The following STX8 variants were observed in gnomAD, a reference collection of about 807,000 sequenced individuals.
The protein encoded by STX8 is syntaxin 8.
A neutral mutation model predicts 37.5 loss-of-function variants in STX8; 23 were observed. That is an observed-to-expected ratio of 0.61 (90% CI 0.44 to 0.87). The LOEUF (loss-of-function observed/expected upper bound fraction) is 0.87. Among genes scored for constraint, STX8 ranks in the 40% least tolerant of loss-of-function variants. STX8 has a pLI of 0.00. For missense variants in STX8, 313 were observed against 284.7 expected, an observed-to-expected ratio of 1.10 and a Z score of -0.71; for synonymous variants, 115 against 99.1, an observed-to-expected ratio of 1.16 and a Z score of -0.95.
chr17:9,536,523 C>A (rs969100102), intron 4 of STX8, among the ~76,000 whole-genome samples: 2 of 152,138 alleles, frequency 1.3e-5, no homozygotes, highest in African/African-American at 4.8e-5. Context: ...CCAGGCACCC[C>A]CTTAACAATC....
chr17:9,371,536 C>A (rs981240805), intron 7 of STX8, among the ~76,000 whole-genome samples: 1 of 152,176 alleles, frequency 6.6e-6, no homozygotes, highest in African/African-American at 2.4e-5. Context: ...TTGCACCAAC[C>A]CTCTGCCCCT....
At chr17:9,500,041 C>T (rs549775197) in intron 5 of STX8, among the ~76,000 whole-genome samples, 1 of 152,254 alleles carries the variant, frequency 6.6e-6, no homozygotes, top group South Asian at 2.1e-4. Context: ...TCCTGAAGAG[C>T]GAATGGTTGT....
rs1298337068 is a variant in STX8, at chr17:9,375,084, A to AAAG, written c.643+3465_643+3467dup. Among the ~76,000 whole-genome samples the AAAG allele has an allele frequency of 1.0e-3, 151 of 149,392 alleles. 2 individuals are homozygous for AAAG. Among genetic ancestry groups the AAAG allele is most frequent in the African/African-American group, 3.5e-3 (139 of 39,506 alleles). The stretch of plus-strand genomic sequence containing the variant: ...GTCTCAAAAAAAAAAAAAAAAAAAA[A>AAAG]AAGAAGAATTTTCTTTTTTCAGTAT... On this transcript the variant is annotated intron_variant, in intron 7 of 7. Coordinates refer to ENST00000306357, the MANE Select transcript of STX8 (RefSeq NM_004853.3).
At chr17:9,299,271 C>T (rs2142174702) in intron 7 of STX8, among the ~76,000 whole-genome samples, 1 of 152,132 alleles carries the variant, frequency 6.6e-6, no homozygotes, top group Middle Eastern at 3.4e-3. Context: ...TCAGATGGTG[C>T]AAATGTGGTC....
chr17:9,378,553 A>G lies in STX8; in HGVS notation c.642T>C (p.Cys214=). ...AGCCATAACGTAGCTATCTCTTACCACAAGAGGCTGACTTTCTGTCCACCA... is the reference window on the plus strand; with the variant it reads ...AGCCATAACGTAGCTATCTCTTACCGCAAGAGGCTGACTTTCTGTCCACCA... The part of the protein sequence containing the change: ...VNMVDRKSAS[C]GMIMVILLLL... The change falls in exon 7 of 8, where the codon TGT becomes TGC. Residue 214 remains cysteine, a splice_region_variant and synonymous_variant. Coordinates refer to ENST00000306357, the MANE Select transcript of STX8 (RefSeq NM_004853.3). 1 of 1,613,182 alleles carries G rather than the reference A, an allele frequency of 6.2e-7. No individual in the cohort carries two copies. Among genetic ancestry groups the G allele is most frequent in the Non-Finnish European group, 8.5e-7 (1 of 1,179,246 alleles).
At chr17:9,328,924 C>T (rs1909867632) in intron 7 of STX8, among the ~76,000 whole-genome samples, 1 of 151,778 alleles carries the variant, frequency 6.6e-6, no homozygotes. Flanking sequence ...GTGACAGGCA[C>T]CTGTAGTCCC....
intron 7 of STX8, among the ~76,000 whole-genome samples, chr17:9,310,907 T>C (rs906329314): frequency 6.6e-6 from 1 of 151,834 alleles, no homozygotes; most frequent in Non-Finnish European, 1.5e-5. Context: ...CTTATGGGAG[T>C]AGACATTCCT....
intron 6 of STX8, among the ~76,000 whole-genome samples, chr17:9,453,782 C>T (rs181213940): frequency 6.6e-5 from 10 of 152,202 alleles, no homozygotes; most frequent in Admixed American, 5.2e-4. Flanking sequence ...TGTGAGCCAC[C>T]GTACCTGGCT....
At chr17:9,360,511 C>T (rs1911028323) in intron 7 of STX8, among the ~76,000 whole-genome samples, 1 of 152,034 alleles carries the variant, frequency 6.6e-6, no homozygotes, top group Admixed American at 6.6e-5. Flanking sequence ...GCTGGGATTA[C>T]AGTGTTGAGC....
chr17:9,568,254 TA>T, intron 2 of STX8, 116 bp downstream of exon 2: 1 of 703,848 alleles, frequency 1.4e-6, no homozygotes, highest in Non-Finnish European at 2.3e-6. Flanking sequence ...TCAACATATG[TA>T]AGCAGATAGA....
At chr17:9,447,884 T>C (rs1425463127) in intron 6 of STX8, among the ~76,000 whole-genome samples, 2 of 152,020 alleles carry the variant, frequency 1.3e-5, no homozygotes, top group Non-Finnish European at 2.9e-5. Context: ...TTCTAAAATA[T>C]AAGAATATGG....
intron 7 of STX8, among the ~76,000 whole-genome samples, chr17:9,282,436 A>C (rs1232865874): frequency 6.6e-6 from 1 of 152,212 alleles, no homozygotes; most frequent in Non-Finnish European, 1.5e-5. Flanking sequence ...ACCCGGCCTG[A>C]TGACATTTTC....
At chr17:9,381,754 A>G (rs1423940389) in intron 6 of STX8, among the ~76,000 whole-genome samples, 1 of 152,202 alleles carries the variant, frequency 6.6e-6, no homozygotes, top group Non-Finnish European at 1.5e-5. Context: ...GCGGATCACA[A>G]GGTCAGGAGT....
At chr17:9,558,048 T>C (rs1848870079) in intron 2 of STX8, among the ~76,000 whole-genome samples, 1 of 152,228 alleles carries the variant, frequency 6.6e-6, no homozygotes, top group African/African-American at 2.4e-5. Context: ...GTTCTTTTTA[T>C]GCAAGAGGAA....
intron 2 of STX8, among the ~76,000 whole-genome samples, chr17:9,560,149 C>T (rs1453673901): frequency 1.3e-5 from 2 of 150,982 alleles, no homozygotes; most frequent in African/African-American, 2.4e-5. Context: ...CCTGTAATCA[C>T]AGCACTTTGG....
At chr17:9,571,130 C>A (rs928257680) in intron 1 of STX8, among the ~76,000 whole-genome samples, 2 of 152,148 alleles carry the variant, frequency 1.3e-5, no homozygotes, top group African/African-American at 4.8e-5. Flanking sequence ...CTTTTACACA[C>A]AGAGAGTGGC....
At chr17:9,544,022 C>T (rs1255007923) in intron 4 of STX8, among the ~76,000 whole-genome samples, 1 of 152,128 alleles carries the variant, frequency 6.6e-6, no homozygotes, top group Non-Finnish European at 1.5e-5. Context: ...GACCTCCCTG[C>T]CCCTCTGCCC....
intron 7 of STX8, among the ~76,000 whole-genome samples, chr17:9,295,327 G>A (rs1326598827): frequency 6.6e-6 from 1 of 152,166 alleles, no homozygotes; most frequent in African/African-American, 2.4e-5. Context: ...TAGACTCCGA[G>A]CCCCTTGAAA....
At position 9,404,021 on chromosome 17, in the gene STX8, AAC is replaced by A. The variant is rs534947247; in HGVS notation, c.542-25370_542-25369del. Among the ~76,000 whole-genome samples the A allele has an allele frequency of 3.5e-3, 452 of 129,054 alleles. 2 individuals carry two copies. The highest frequency in any genetic ancestry group is 0.014 in the African/African-American group (441 of 32,194). The allele number at this position is 129,054 out of a possible 152,430, so 84.7% of individuals were successfully genotyped here. On this transcript the variant is annotated intron_variant, in intron 6 of 7. Coordinates refer to ENST00000306357, the MANE Select transcript of STX8 (RefSeq NM_004853.3). ...AACTGAAAGCCTTACTGATAACATA[AAC>A]AGTCAATTAACATATTTTGTATATG...
Sources: allele counts gnomAD v4.1 joint callset (sites outside exome capture counted in the v4.1 genomes callset), GRCh38; gene constraint gnomAD v4.1.1; transcripts MANE v1.5; gene names NCBI Gene and HGNC (gene_info 2026-07-23, HGNC 2026-07-21).